Variants in SUMF1 observed in about 807,000 individuals in gnomAD.
The protein encoded by SUMF1 is sulfatase modifying factor 1, also known as formylglycine-generating enzyme.
In SUMF1, 48 loss-of-function variants were observed where a neutral mutation model predicts 47.6. The observed-to-expected ratio is 1.01, with a 90% CI of 0.80 to 1.28. The LOEUF is 1.28. SUMF1 is among the 50% of genes most tolerant of loss of function. The probability of loss-of-function intolerance (pLI) is 0.00; values close to 1 mark genes in which losing one functional copy is unlikely to be tolerated. For synonymous variants in SUMF1, 230 were observed against 192.1 expected (o/e 1.20, Z -1.63); for missense variants, 571 against 485.4 (o/e 1.18, Z -1.66).
intron 8 of SUMF1, among the ~76,000 whole-genome samples, chr3:4,277,650 G>A (rs1206582464): frequency 1.3e-5 from 2 of 152,106 alleles, no homozygotes; most frequent in African/African-American, 4.8e-5. Context: ...AGGCTCAGAA[G>A]AACTGGCATA....
At chr3:4,067,283 C>T (rs893025544) in intron 9 of SUMF1, among the ~76,000 whole-genome samples, 3 of 152,162 alleles carry the variant, frequency 2.0e-5, no homozygotes, top group African/African-American at 7.2e-5. Context: ...CATACCTGGG[C>T]ATTCTGGCTA....
At chr3:4,303,492 C>T (rs1213852738) in intron 8 of SUMF1, 1 of 1,486,278 alleles carries the variant, frequency 6.7e-7, no homozygotes. Flanking sequence ...CCGGTGGGCG[C>T]GTGGCCCCCG....
At chr3:4,282,546 T>A (rs1697551130) in intron 8 of SUMF1, among the ~76,000 whole-genome samples, 1 of 152,186 alleles carries the variant, frequency 6.6e-6, no homozygotes, top group South Asian at 2.1e-4. Context: ...AAAATCCTTA[T>A]GGTAACATGA....
intron 8 of SUMF1, among the ~76,000 whole-genome samples, chr3:4,252,629 G>T (rs1036880534): frequency 6.6e-6 from 1 of 152,128 alleles, no homozygotes; most frequent in Non-Finnish European, 1.5e-5. Context: ...AACTAGGAAA[G>T]TTGAAAGTTA....
intron 8 of SUMF1, among the ~76,000 whole-genome samples, chr3:4,307,299 T>G (rs1444545785): frequency 6.6e-6 from 1 of 152,238 alleles, no homozygotes; most frequent in Non-Finnish European, 1.5e-5. Flanking sequence ...CGAAAAATGC[T>G]TCTTGAGCAC....
At chr3:4,382,945 A>G (rs1700555511) in intron 7 of SUMF1, among the ~76,000 whole-genome samples, 2 of 152,184 alleles carry the variant, frequency 1.3e-5, no homozygotes. Flanking sequence ...GGGGAGGGAT[A>G]GCATTAGGAG....
intron 8 of SUMF1, among the ~76,000 whole-genome samples, chr3:4,147,268 G>A (rs1247545558): frequency 6.6e-6 from 1 of 152,038 alleles, no homozygotes; most frequent in East Asian, 1.9e-4. Context: ...GATTCCTCAG[G>A]GATCTAGAAC....
intron 1 of SUMF1, among the ~76,000 whole-genome samples, chr3:4,456,501 G>C (rs1386770866): frequency 6.9e-6 from 1 of 145,124 alleles, no homozygotes; most frequent in East Asian, 2.0e-4. Flanking sequence ...GCCCAGGCTG[G>C]AGTGCAGTAG....
At chr3:4,461,619 C>T (rs1188409771) in intron 1 of SUMF1, among the ~76,000 whole-genome samples, 1 of 152,064 alleles carries the variant, frequency 6.6e-6, no homozygotes, top group Non-Finnish European at 1.5e-5. Context: ...ATGTGAACTT[C>T]CGGCCGAGTT....
intron 1 of SUMF1, among the ~76,000 whole-genome samples, chr3:4,454,943 T>A (rs1025983461): frequency 1.3e-5 from 2 of 152,194 alleles, no homozygotes; most frequent in Non-Finnish European, 2.9e-5. Context: ...GAATGATTGC[T>A]AATGGGCATA....
At chr3:4,436,705 C>T (rs1197491021) in intron 3 of SUMF1, among the ~76,000 whole-genome samples, 1 of 151,416 alleles carries the variant, frequency 6.6e-6, no homozygotes, top group Admixed American at 6.6e-5. Flanking sequence ...TGTAGCTCCA[C>T]AAACACTTGC....
At chr3:4,203,965 T>G (rs1484302389) in intron 8 of SUMF1, among the ~76,000 whole-genome samples, 2 of 152,074 alleles carry the variant, frequency 1.3e-5, no homozygotes. Flanking sequence ...AGTTATTATT[T>G]TTGATAAGTC....
chr3:4,184,897 G>A (rs151251462), intron 8 of SUMF1, among the ~76,000 whole-genome samples: 1 of 152,148 alleles, frequency 6.6e-6, no homozygotes, highest in African/African-American at 2.4e-5. Context: ...TGATCCACCT[G>A]CCTGGGCCTC....
intron 7 of SUMF1, among the ~76,000 whole-genome samples, chr3:4,402,674 G>C (rs1701252484): frequency 6.6e-6 from 1 of 152,114 alleles, no homozygotes; most frequent in South Asian, 2.1e-4. Flanking sequence ...CACCATCAAA[G>C]ACAGCACTGA....
intron 8 of SUMF1, among the ~76,000 whole-genome samples, chr3:4,119,663 T>C (rs767471247): frequency 4.3e-4 from 65 of 152,008 alleles, no homozygotes; most frequent in Middle Eastern, 3.2e-3. Context: ...TCCTGCAGCA[T>C]TGTGAGTCAG....
chr3:4,260,500 G>T (rs542533388), intron 8 of SUMF1, among the ~76,000 whole-genome samples: 3 of 152,126 alleles, frequency 2.0e-5, no homozygotes, highest in Non-Finnish European at 4.4e-5. Flanking sequence ...TGGCCTGTTG[G>T]TTACCAGTTT....
At chr3:4,070,149 GGA>G (rs1695485054) in intron 8 of SUMF1, among the ~76,000 whole-genome samples, 1 of 152,064 alleles carries the variant, frequency 6.6e-6, no homozygotes, top group South Asian at 2.1e-4. Context: ...TGATAGTCTG[GGA>G]GCTCCCACTT....
At chr3:4,271,837 T>C (rs769694799) in intron 8 of SUMF1, among the ~76,000 whole-genome samples, 3 of 152,172 alleles carry the variant, frequency 2.0e-5, no homozygotes, top group Non-Finnish European at 2.9e-5. Flanking sequence ...ACTAAAATCA[T>C]AGCTTGTGCT....
intron 9 of SUMF1, among the ~76,000 whole-genome samples, chr3:4,057,674 T>C (rs1340665416): frequency 6.6e-6 from 1 of 152,048 alleles, no homozygotes; most frequent in African/African-American, 2.4e-5. Flanking sequence ...TAAAGAATCA[T>C]GACGGGGAAG....
Sources: allele counts gnomAD v4.1 joint callset (sites outside exome capture counted in the v4.1 genomes callset), GRCh38; gene constraint gnomAD v4.1.1; transcripts MANE v1.5; gene names NCBI Gene and HGNC (gene_info 2026-07-23, HGNC 2026-07-21).